Variants in TOP2A observed in about 807,000 individuals in gnomAD.
TOP2A encodes DNA topoisomerase II alpha.
In TOP2A, 68 loss-of-function variants were observed where a neutral mutation model predicts 187.2. The observed-to-expected ratio is 0.36, with a 90% confidence interval of 0.30 to 0.44. TOP2A has a LOEUF of 0.44. TOP2A is among the 20% of genes least tolerant of loss of function. The pLI is 1.00. For missense variants in TOP2A, 1,196 were observed against 1,808.7 expected (o/e 0.66, Z 6.14); for synonymous variants, 542 against 593.2 (o/e 0.91, Z 1.25).
chr17:40,399,292 T>G (rs2035144528), intron 24 of TOP2A, 161 bp from the exon 25 acceptor site: 1 of 606,154 alleles, frequency 1.6e-6, no homozygotes, highest in African/African-American at 1.9e-5. Flanking sequence ...CCTAAACCAT[T>G]GACAAATGTA....
At chr17:40,410,112 G>A (rs1245629249) in intron 10 of TOP2A, 1 of 161,518 alleles carries the variant, frequency 6.2e-6, no homozygotes, top group Non-Finnish European at 1.4e-5. Context: ...AATAAAATAA[G>A]TTACAGTGTT....
intron 20 of TOP2A, 109 bp downstream of exon 20, chr17:40,402,797 G>A: frequency 8.2e-7 from 1 of 1,224,452 alleles, no homozygotes; most frequent in Non-Finnish European, 1.1e-6. Flanking sequence ...TCTGCCACTA[G>A]ATGCCAGTAT....
Position 40,411,053 on chromosome 17 carries a change from G to A in TOP2A, c.1203+56C>T. The stretch of plus-strand genomic sequence containing the variant: ...ATCATTGTTTCTGCAGAGCTAAGAA[G>A]TGCAATGGAAAATAAAGTCAGGTGT... On this transcript the variant is annotated intron_variant, in intron 10 of 34. Transcript: ENST00000423485. The surrounding 1 kb of genome is among the most constrained non-coding windows in gnomAD (Gnocchi z 4.4). The A allele has an allele frequency of 6.7e-7, 1 of 1,488,334 alleles. No homozygotes were observed. Among genetic ancestry groups the A allele is most frequent in the Non-Finnish European group, 9.0e-7 (1 of 1,110,422 alleles). The allele number at this position is 1,488,334 out of a possible 1,614,324, so 92.2% of individuals were successfully genotyped here.
intron 20 of TOP2A, among the ~76,000 whole-genome samples, chr17:40,401,317 G>A (rs2035177705): frequency 6.6e-6 from 1 of 152,174 alleles, no homozygotes. Flanking sequence ...ATTTTGTTAG[G>A]TGGTGGGATA....
intron 4 of TOP2A, among the ~76,000 whole-genome samples, 156 bp from the exon 5 acceptor site, chr17:40,413,781 G>A (rs1479938419): frequency 6.6e-6 from 1 of 152,176 alleles, no homozygotes; most frequent in Non-Finnish European, 1.5e-5. Context: ...GGCTGAGGAG[G>A]GCAGATCACT....
chr17:40,395,519 G>A lies in TOP2A; in HGVS notation c.3741C>T (p.Ser1247=). 1.2e-6 allele frequency: 2 copies of A among 1,609,968 alleles called. No homozygotes were observed. The highest frequency in any genetic ancestry group is 1.7e-4 in the Middle Eastern group (1 of 6,048). Residue 1247 remains serine (S), a synonymous_variant, in exon 29 of 35, where the codon AGC becomes AGT. Coordinates refer to ENST00000423485, the MANE Select transcript of TOP2A (RefSeq NM_001067.4). ...KKIKNENTEG[S]PQEDGVELEG... is the part of the protein sequence containing the mutation. ...CTAGTTCCACACCATCTTCTTGAGG[G>A]CTTCCTTCAGTATTTTCATTCTAAA...
chr17:40,396,166 A>C (rs2035095382), intron 28 of TOP2A, 117 bp downstream of exon 28: 1 of 567,798 alleles, frequency 1.8e-6, no homozygotes, highest in Non-Finnish European at 3.0e-6. Flanking sequence ...TTTTTAGTAG[A>C]GACAGGGTTT....
rs1299570411 is a variant in TOP2A, at chr17:40,389,626, C to T, written c.4489G>A (p.Asp1497Asn). The change falls in exon 35 of 35, where the codon GAC (aspartate) becomes AAC (asparagine). Residue 1497 changes from aspartate (D) to asparagine (N), a missense_variant. By Grantham distance (23) the Asp-to-Asn change is conservative. This residue lies in a region of TOP2A where 374 missense variants were observed against 403.3 expected (regional missense o/e 0.93). Transcript: ENST00000423485. ...TSKKSKGESD[D>N]FHMDFDSAVA... ...GCTGAGTCAAAGTCCATATGGAAGT[C>T]ATCACTCTCCCCCTTGGATTTCTAA... 5 of 1,609,974 alleles carry T rather than the reference C, an allele frequency of 3.1e-6. No homozygotes were observed. Among genetic ancestry groups the T allele is most frequent in the Non-Finnish European group, 4.2e-6 (5 of 1,178,134 alleles).
rs2035321430 is a variant in TOP2A at position 40,411,479 on chromosome 17, G to A, written c.964-24C>T. 6.3e-7 allele frequency: 1 copy of A among 1,597,704 alleles called. No individual in the cohort carries two copies. ...CCCTAATAAGGAAAAATACCAAACT[G>A]TAAAACTCAGTATCCTCAAAATTAT... is the stretch of plus-strand genomic sequence containing the variant. On this transcript the variant is annotated intron_variant, in intron 8 of 34. Transcript: ENST00000423485. The surrounding 1 kb of genome is among the most constrained non-coding windows in gnomAD (Gnocchi z 4.4).
At chr17:40,401,984 CAG>C (rs1243819930) in intron 20 of TOP2A, among the ~76,000 whole-genome samples, 1 of 152,104 alleles carries the variant, frequency 6.6e-6, no homozygotes, top group Admixed American at 6.5e-5. Flanking sequence ...GGTTCTGAAT[CAG>C]AGTGACTTAT....
chr17:40,408,659 T>A (rs777104571), intron 10 of TOP2A, 29 bp from the exon 11 acceptor site: 24 of 1,609,560 alleles, frequency 1.5e-5, no homozygotes, highest in Non-Finnish European at 2.0e-5. Flanking sequence ...ATATTAGGGA[T>A]CATATTAGGG....
rs927323294 is a variant in TOP2A, at chr17:40,400,021, A to C, written c.3047T>G (p.Leu1016Trp). The change falls in exon 24 of 35, where the codon TTG (leucine) becomes TGG (tryptophan). Residue 1016 changes from leucine to tryptophan, a missense_variant. By Grantham distance (61) the Leu-to-Trp change is moderately conservative (BLOSUM62 -2). This residue lies in a region of TOP2A where 232 missense variants were observed against 306.1 expected (regional missense o/e 0.76). Transcript: ENST00000423485. ...VGCLKKYDTV[L>W]DILRDFFELR... ...TTCAAAAAAGTCTCTTAGAATATCC[A>C]ACACCGTGTCATATTTCTTTAAACA... The C allele has an allele frequency of 4.8e-5, 78 of 1,612,046 alleles. No individual in the cohort carries two copies. The highest frequency in any genetic ancestry group is 6.3e-5 in the Non-Finnish European group (74 of 1,179,370).
At chr17:40,395,306 A>AG in intron 29 of TOP2A, 143 bp downstream of exon 29, 1 of 253,890 alleles carries the variant, frequency 3.9e-6, no homozygotes, top group South Asian at 4.8e-5. Flanking sequence ...AAAAAAAAAG[A>AG]GGTCCAAGTA....
chr17:40,392,346 TA>T lies in TOP2A; in HGVS notation c.3965-6del, dbSNP rs2035034937. On this transcript the variant is annotated splice_polypyrimidine_tract_variant and splice_region_variant and intron_variant, in intron 30 of 34. Coordinates refer to ENST00000423485, the MANE Select transcript of TOP2A (RefSeq NM_001067.4). ...CCATTGTGAATTTTGTTTTTGCTAG[TA>T]AAAAAACCATATACAAAAAAATCAA... 23 of 1,578,410 alleles carry T rather than the reference TA, an allele frequency of 1.5e-5. No individual in the cohort carries two copies. Among genetic ancestry groups the T allele is most frequent in the Non-Finnish European group, 1.8e-5 (21 of 1,161,142 alleles).
chr17:40,417,883 G>A lies in TOP2A; in HGVS notation c.-92C>T. ...CCCCCGACCAAGCCGCTTCTCCACA[G>A]ACGCGCGTCGGTTAGGAGAGCTCCA... On this transcript the variant is annotated 5_prime_UTR_variant, in exon 1 of 35. Transcript: ENST00000423485. 6.4e-7 allele frequency: 1 copy of A among 1,567,726 alleles called. No homozygotes were observed. The highest frequency in any genetic ancestry group is 8.7e-7 in the Non-Finnish European group (1 of 1,148,264).
intron 16 of TOP2A, among the ~76,000 whole-genome samples, chr17:40,405,313 C>T (rs1356296491): frequency 6.6e-6 from 1 of 151,994 alleles, no homozygotes; most frequent in East Asian, 1.9e-4. Context: ...CCACACCCAG[C>T]TAATATTTTG....
rs1804537 is a variant in TOP2A, at chr17:40,396,413, C to G, written c.3590G>C (p.Gly1197Ala). The G allele has an allele frequency of 8.4e-4, 1,351 of 1,613,860 alleles. 4 individuals carry two copies. Among genetic ancestry groups the G allele is most frequent in the African/African-American group, 5.3e-3 (396 of 75,016 alleles). Reference protein sequence around the residue: ...QDEQVGLPGKGGKAKGKKTQM... With the variant: ...QDEQVGLPGKAGKAKGKKTQM... ...TGTTTTTTTCCCCTTGGCCTTCCCCCCTTTCCCAGGAAGTCCGACTTGTTC... is the reference window on the plus strand; with the variant it reads ...TGTTTTTTTCCCCTTGGCCTTCCCCGCTTTCCCAGGAAGTCCGACTTGTTC... The change falls in exon 28 of 35, where the codon GGG (glycine) becomes GCG (alanine). Residue 1197 changes from glycine to alanine, a missense_variant. Physicochemically the swap from Gly to Ala is moderately conservative, Grantham distance 60. Around this residue, in one of 10 missense-constraint regions of TOP2A, gnomAD observed 374 missense variants for 403.3 expected, o/e 0.93. Transcript: ENST00000423485.
chr17:40,400,790 A>G (rs564835377), intron 21 of TOP2A, 60 bp downstream of exon 21: 4 of 1,563,150 alleles, frequency 2.6e-6, no homozygotes, highest in Non-Finnish European at 3.5e-6. Context: ...TTAATCATAC[A>G]ATCTATTCAA....
chr17:40,392,743 G>A lies in TOP2A; in HGVS notation c.3812-6C>T. The A allele has an allele frequency of 6.2e-7, 1 of 1,600,310 alleles. No individual in the cohort carries two copies. The highest frequency in any genetic ancestry group is 1.7e-5 in the Admixed American group (1 of 57,482). On this transcript the variant is annotated splice_polypyrimidine_tract_variant and splice_region_variant and intron_variant, in intron 29 of 34. Coordinates refer to ENST00000423485, the MANE Select transcript of TOP2A (RefSeq NM_001067.4). ...TTGTTTCTTTGTCTTTGTACCTAGA[G>A]GGGAGATAGAAATTAATCACCTTTA...
Sources: allele counts gnomAD v4.1 joint callset (sites outside exome capture counted in the v4.1 genomes callset), GRCh38; gene constraint gnomAD v4.1.1; regional missense constraint gnomAD v4.1.1; non-coding constraint Gnocchi (gnomAD v3.1); transcripts MANE v1.5; gene names NCBI Gene and HGNC (gene_info 2026-07-23, HGNC 2026-07-21).